The following CCDC3 variants were observed in gnomAD, a reference collection of about 807,000 sequenced individuals.
The protein encoded by CCDC3 is coiled-coil domain containing 3, also known as coiled-coil domain-containing protein 3.
In CCDC3, 24 loss-of-function variants were observed where a neutral mutation model predicts 21.4. The observed-to-expected ratio is 1.12, with a 90% CI of 0.81 to 1.58. The LOEUF is 1.58. Among genes scored for constraint, CCDC3 ranks in the 40% most tolerant of loss-of-function variants. CCDC3 has a pLI of 0.00. For synonymous variants in CCDC3, 186 were observed against 166.0 expected, an observed-to-expected ratio of 1.12 and a Z score of -0.93; for missense variants, 425 against 360.9, an observed-to-expected ratio of 1.18 and a Z score of -1.44.
chr10:13,071,635 C>G (rs1202409960), intron 4 of CCDC3, among the ~76,000 whole-genome samples: 3 of 152,160 alleles, frequency 2.0e-5, no homozygotes, highest in African/African-American at 7.2e-5. Context: ...TAGGTGGCAC[C>G]CTGTTGTGGC....
chr10:12,955,681 T>C (rs1184677469), intron 2 of CCDC3, among the ~76,000 whole-genome samples: 1 of 151,740 alleles, frequency 6.6e-6, no homozygotes, highest in Non-Finnish European at 1.5e-5. Flanking sequence ...GCCTCCCAAG[T>C]GGCTGGTATT....
At chr10:13,035,543 G>T (rs999194230) in intron 5 of CCDC3, among the ~76,000 whole-genome samples, 3 of 152,276 alleles carry the variant, frequency 2.0e-5, no homozygotes, top group Non-Finnish European at 4.4e-5. Flanking sequence ...TTAAACCTGT[G>T]AGTTAGTTAA....
chr10:13,061,028 T>C (rs1216124641), intron 4 of CCDC3, among the ~76,000 whole-genome samples: 1 of 152,204 alleles, frequency 6.6e-6, no homozygotes, highest in Admixed American at 6.5e-5. Flanking sequence ...CCTTGTTCCA[T>C]AATTTTCCAG....
intron 5 of CCDC3, among the ~76,000 whole-genome samples, chr10:13,011,785 C>A (rs1352842628): frequency 6.6e-6 from 1 of 152,056 alleles, no homozygotes. Flanking sequence ...TCACATTGCC[C>A]AACTTCAAAC....
chr10:12,948,243 T>C (rs1167863571), intron 2 of CCDC3, among the ~76,000 whole-genome samples: 2 of 152,144 alleles, frequency 1.3e-5, no homozygotes, highest in African/African-American at 2.4e-5. Context: ...CCTTCCACCA[T>C]AATTGTGAGG....
intron 5 of CCDC3, among the ~76,000 whole-genome samples, chr10:13,046,491 T>C (rs1836531649): frequency 6.6e-6 from 1 of 151,642 alleles, no homozygotes; most frequent in Non-Finnish European, 1.5e-5. Context: ...TCACCTGATG[T>C]CAGGAGTTCA....
intron 4 of CCDC3, among the ~76,000 whole-genome samples, chr10:13,071,444 T>C (rs1432398311): frequency 6.6e-6 from 1 of 152,234 alleles, no homozygotes; most frequent in Non-Finnish European, 1.5e-5. Flanking sequence ...TAATTCCTGC[T>C]GCTTAAGCCA....
intron 3 of CCDC3, among the ~76,000 whole-genome samples, chr10:13,084,678 G>C (rs992915669): frequency 2.0e-5 from 3 of 152,142 alleles, no homozygotes; most frequent in African/African-American, 7.2e-5. Flanking sequence ...CCCTCTCTTG[G>C]GGTCTAGATC....
chr10:12,944,681 A>C (rs1179032996), intron 2 of CCDC3, among the ~76,000 whole-genome samples: 2 of 152,336 alleles, frequency 1.3e-5, no homozygotes, highest in East Asian at 3.9e-4. Flanking sequence ...CCTGTCTCAG[A>C]CACTTTCCAG....
chr10:13,013,121 G>A (rs1048526105), intron 5 of CCDC3, among the ~76,000 whole-genome samples: 1 of 151,988 alleles, frequency 6.6e-6, no homozygotes, highest in Non-Finnish European at 1.5e-5. Flanking sequence ...AGTCTTTTGG[G>A]ACACACACAC....
intron 5 of CCDC3, among the ~76,000 whole-genome samples, chr10:13,019,307 A>G (rs562141949): frequency 6.6e-6 from 1 of 152,354 alleles, no homozygotes; most frequent in South Asian, 2.1e-4. Flanking sequence ...TATGTTTACT[A>G]TGAAAGCACT....
intron 2 of CCDC3, among the ~76,000 whole-genome samples, chr10:12,977,221 G>A (rs1589028101): frequency 2.0e-5 from 3 of 152,220 alleles, no homozygotes; most frequent in Admixed American, 2.0e-4. Context: ...GTTGCTGTGA[G>A]CTGAAGTTGC....
chr10:13,010,199 G>C (rs1835968506), intron 5 of CCDC3, among the ~76,000 whole-genome samples: 1 of 152,150 alleles, frequency 6.6e-6, no homozygotes, highest in Admixed American at 6.5e-5. Flanking sequence ...AGTGAGCCAA[G>C]ATCATGCCAC....
chr10:13,007,057 G>A (rs146614658), intron 5 of CCDC3, among the ~76,000 whole-genome samples: 4 of 152,212 alleles, frequency 2.6e-5, no homozygotes, highest in East Asian at 3.9e-4. Context: ...AAGTGCTGCC[G>A]TTTGACCCCT....
chr10:12,983,658 AAAG>A (rs1835541265), intron 2 of CCDC3, among the ~76,000 whole-genome samples: 1 of 122,956 alleles, frequency 8.1e-6, no homozygotes, highest in Non-Finnish European at 1.7e-5. Flanking sequence ...GCTCTAATAA[AAAG>A]AAGTGGCAAA....
intron 3 of CCDC3, among the ~76,000 whole-genome samples, chr10:13,080,989 C>T (rs932130629): frequency 1.3e-5 from 2 of 152,210 alleles, no homozygotes; most frequent in Non-Finnish European, 2.9e-5. Flanking sequence ...CCACCAGGTC[C>T]CCTAGGCAAC....
chr10:13,079,017 T>TA (rs924272958), intron 3 of CCDC3, among the ~76,000 whole-genome samples: 7 of 151,594 alleles, frequency 4.6e-5, no homozygotes, highest in African/African-American at 1.7e-4. Context: ...TAATAATAAT[T>TA]AAAAAAAAAT....
intron 3 of CCDC3, among the ~76,000 whole-genome samples, chr10:13,088,802 C>A (rs1043733945): frequency 1.3e-5 from 2 of 152,158 alleles, no homozygotes; most frequent in African/African-American, 4.8e-5. Context: ...GCAGGAGGAT[C>A]ACCTGAGGTC....
Position 13,001,385 on chromosome 10 carries a change from C to A in CCDC3, c.186G>T (p.Leu62=). Residue 62 remains leucine (L), a synonymous_variant, in exon 1 of 3, where the codon CTG becomes CTT. Coordinates refer to ENST00000378825, the MANE Select transcript of CCDC3 (RefSeq NM_031455.4). ...HPEAPGLYNH[L]PWQYHAGQGG... ...CCTGGCCGGCGTGGTACTGCCAGGGCAGGTGGTTGTAGAGGCCGGGCGCCT... is the reference window on the plus strand; with the variant it reads ...CCTGGCCGGCGTGGTACTGCCAGGGAAGGTGGTTGTAGAGGCCGGGCGCCT... The A allele has an allele frequency of 6.3e-7, 1 of 1,587,070 alleles. No individual in the cohort carries two copies. Among genetic ancestry groups the A allele is most frequent in the Non-Finnish European group, 8.6e-7 (1 of 1,167,868 alleles).
Sources: allele counts gnomAD v4.1 joint callset (sites outside exome capture counted in the v4.1 genomes callset), GRCh38; gene constraint gnomAD v4.1.1; transcripts MANE v1.5; gene names NCBI Gene and HGNC (gene_info 2026-07-23, HGNC 2026-07-21).